CLCA4: variants seen among roughly 807,000 people sequenced by gnomAD.
The protein encoded by CLCA4 is chloride channel accessory 4, also known as calcium-activated chloride channel regulator 4.
CLCA4 carries 69 observed loss-of-function variants against 78.9 expected under a neutral mutation model. That is an observed-to-expected ratio of 0.87 (90% confidence interval 0.72 to 1.07). The LOEUF (loss-of-function observed/expected upper bound fraction) is 1.07. Ranked by LOEUF, CLCA4 falls within the 50% of genes least tolerant of loss-of-function variation. The pLI is 0.00. For synonymous variants in CLCA4, 362 were observed against 375.8 expected (o/e 0.96, Z 0.42); for missense variants, 1,133 against 1,095.8 (o/e 1.03, Z -0.48).
rs557544682 is a variant in CLCA4 at position 86,571,103 on chromosome 1, C to T, written c.1209C>T (p.Leu403=). 4 of 1,611,550 alleles carry T rather than the reference C, an allele frequency of 2.5e-6. No individual in the cohort carries two copies. Among genetic ancestry groups the T allele is most frequent in the Admixed American group, 1.7e-5 (1 of 59,918 alleles). ...FQVIGELHSQ[L]DGSEVLLLTD... ...TGATTGGAGAGCTACATTCCCAACTCGATGGATCCGAAGTACTGCTGCTGA... is the reference window on the plus strand; with the variant it reads ...TGATTGGAGAGCTACATTCCCAACTTGATGGATCCGAAGTACTGCTGCTGA... Residue 403 remains leucine (L), a synonymous_variant, in exon 8 of 14, where the codon CTC becomes CTT. Transcript: ENST00000370563.
intron 7 of CLCA4, among the ~76,000 whole-genome samples, chr1:86,568,801 T>C (rs1650271312): frequency 6.6e-6 from 1 of 151,960 alleles, no homozygotes; most frequent in Non-Finnish European, 1.5e-5. Flanking sequence ...TCAAAATCCT[T>C]TCTCCTTCAT....
intron 1 of CLCA4, among the ~76,000 whole-genome samples, chr1:86,549,401 T>C (rs1377367714): frequency 6.6e-6 from 1 of 152,168 alleles, no homozygotes; most frequent in Non-Finnish European, 1.5e-5. Context: ...AGAAAGACTT[T>C]GACTTTGACT....
Position 86,580,388 on chromosome 1 carries a change from GTTT to G in CLCA4, c.*45_*47del. 1 of 1,429,624 alleles carries G rather than the reference GTTT, an allele frequency of 7.0e-7. No individual in the cohort carries two copies. The allele number at this position is 1,429,624 out of a possible 1,614,324, so 88.6% of individuals were successfully genotyped here. ...AATCTTCAAGTAGACCTAGAAGAGA[GTTT>G]TAAAAAACAAAACAATGTAAGTAAA... On this transcript the variant is annotated 3_prime_UTR_variant, in exon 14 of 14. Transcript: ENST00000370563.
At chr1:86,563,618 G>A in intron 3 of CLCA4, 43 bp from the exon 4 acceptor site, 1 of 946,332 alleles carries the variant, frequency 1.1e-6, no homozygotes, top group Non-Finnish European at 1.6e-6. Context: ...TACAAAACGT[G>A]TCACTTGGAT....
chr1:86,560,537 A>C (rs1474918757), intron 3 of CLCA4, among the ~76,000 whole-genome samples, 179 bp downstream of exon 3: 2 of 152,346 alleles, frequency 1.3e-5, no homozygotes, highest in Middle Eastern at 3.4e-3. Flanking sequence ...TCCCTACAAA[A>C]TGGCAAAGAG....
At chr1:86,563,450 C>T (rs1320400801) in intron 3 of CLCA4, among the ~76,000 whole-genome samples, 1 of 151,298 alleles carries the variant, frequency 6.6e-6, no homozygotes, top group East Asian at 1.9e-4. Context: ...TTTAACATGT[C>T]GTGGAATAAG....
chr1:86,579,877 T>C, intron 13 of CLCA4, 65 bp from the exon 14 acceptor site: 1 of 1,098,748 alleles, frequency 9.1e-7, no homozygotes, highest in Admixed American at 2.4e-5. Flanking sequence ...TTTTTGAGAA[T>C]AAATAAAAAG....
Position 86,571,104 on chromosome 1 carries a change from G to A in CLCA4, c.1210G>A (p.Asp404Asn), listed in dbSNP as rs1416497150. The A allele has an allele frequency of 1.7e-5, 27 of 1,611,942 alleles. No individual in the cohort carries two copies. Among genetic ancestry groups the A allele is most frequent in the East Asian group, 2.2e-5 (1 of 44,860 alleles). The part of the protein sequence containing the change: ...QVIGELHSQL[D>N]GSEVLLLTDG... ...GATTGGAGAGCTACATTCCCAACTCGATGGATCCGAAGTACTGCTGCTGAC... is the reference window on the plus strand; with the variant it reads ...GATTGGAGAGCTACATTCCCAACTCAATGGATCCGAAGTACTGCTGCTGAC... The change falls in exon 8 of 14, where the codon GAT becomes AAT. Residue 404 changes from aspartate to asparagine, a missense_variant. Transcript: ENST00000370563.
At chr1:86,555,367 G>C (rs1423761513) in intron 1 of CLCA4, among the ~76,000 whole-genome samples, 3 of 152,148 alleles carry the variant, frequency 2.0e-5, no homozygotes, top group Non-Finnish European at 4.4e-5. Flanking sequence ...TTAATCTTGA[G>C]TTGATTTTTA....
chr1:86,561,187 A>T (rs969419698), intron 3 of CLCA4, among the ~76,000 whole-genome samples: 4 of 152,102 alleles, frequency 2.6e-5, no homozygotes, highest in Admixed American at 2.6e-4. Flanking sequence ...CTCATGTCCC[A>T]ATCTTACCTC....
At chr1:86,570,972 C>A (rs2101811935) in intron 7 of CLCA4, 105 bp from the exon 8 acceptor site, 1 of 775,626 alleles carries the variant, frequency 1.3e-6, no homozygotes, top group Non-Finnish European at 2.1e-6. Context: ...CTCTTCTATT[C>A]TGCATAACTT....
chr1:86,565,204 G>C, intron 4 of CLCA4, 70 bp from the exon 5 acceptor site: 1 of 1,082,038 alleles, frequency 9.2e-7, no homozygotes, highest in Non-Finnish European at 1.3e-6. Flanking sequence ...ATCATGAATA[G>C]AACCACTTAA....
Position 86,567,660 on chromosome 1 carries a change from C to T in CLCA4, c.1182+9C>T, listed in dbSNP as rs1321191798. The T allele has an allele frequency of 2.3e-5, 37 of 1,602,498 alleles. No homozygotes were observed. Among genetic ancestry groups the T allele is most frequent in the Non-Finnish European group, 2.9e-5 (34 of 1,171,572 alleles). On this transcript the variant is annotated intron_variant, in intron 7 of 13. Coordinates refer to ENST00000370563, the MANE Select transcript of CLCA4 (RefSeq NM_012128.4). ...TTAAATATGCATTTCAGGTGAAAAT[C>T]GTACTGCAAATATATTTTGGTTTTT...
At chr1:86,558,844 G>T (rs1306261337) in intron 1 of CLCA4, among the ~76,000 whole-genome samples, 1 of 152,182 alleles carries the variant, frequency 6.6e-6, no homozygotes, top group African/African-American at 2.4e-5. Flanking sequence ...AGATTTGGAT[G>T]GGGACACAGT....
intron 4 of CLCA4, among the ~76,000 whole-genome samples, chr1:86,564,822 G>C (rs1005663123): frequency 1.3e-5 from 2 of 151,990 alleles, no homozygotes; most frequent in African/African-American, 4.8e-5. Context: ...AATGCTCTTT[G>C]AGTAATAAGA....
intron 1 of CLCA4, among the ~76,000 whole-genome samples, chr1:86,559,654 T>C (rs547878077): frequency 4.1e-4 from 63 of 152,334 alleles, no homozygotes; most frequent in African/African-American, 1.4e-3. Context: ...CCAAAGTCCA[T>C]GTACATATTC....
At chr1:86,565,169 G>T (rs545639611) in intron 4 of CLCA4, 105 bp from the exon 5 acceptor site, 3 of 719,208 alleles carry the variant, frequency 4.2e-6, no homozygotes, top group Non-Finnish European at 6.9e-6. Context: ...TACCATAGAA[G>T]AATAAACATC....
In CLCA4 at chr1:86,579,987, G is replaced by A; in HGVS notation, c.2402G>A (p.Arg801Lys). The change falls in exon 14 of 14, where the codon AGA becomes AAA. Residue 801 changes from arginine (R) to lysine (K), a missense_variant. By Grantham distance (26) the Arg-to-Lys change is conservative. Transcript: ENST00000370563. ...IRISASILDL[R>K]DSFDDALQVN... is the part of the protein sequence containing the mutation. The stretch of plus-strand genomic sequence containing the variant: ...ATAAGTGCAAGTATTCTTGATCTAA[G>A]AGACAGTTTTGATGATGCTCTTCAA... The A allele has an allele frequency of 1.2e-6, 2 of 1,605,308 alleles. No individual in the cohort carries two copies. The highest frequency in any genetic ancestry group is 1.7e-6 in the Non-Finnish European group (2 of 1,175,444).
chr1:86,556,584 T>G (rs1282400571), intron 1 of CLCA4, among the ~76,000 whole-genome samples: 1 of 152,190 alleles, frequency 6.6e-6, no homozygotes, highest in Non-Finnish European at 1.5e-5. Context: ...GGATTCGGTT[T>G]GCCAGTATTT....
Sources: allele counts gnomAD v4.1 joint callset (sites outside exome capture counted in the v4.1 genomes callset), GRCh38; gene constraint gnomAD v4.1.1; transcripts MANE v1.5; gene names NCBI Gene and HGNC (gene_info 2026-07-23, HGNC 2026-07-21).